The following SCUBE1 variants were observed in gnomAD, a reference collection of about 807,000 sequenced individuals.
The protein encoded by SCUBE1 is signal peptide, CUB domain and EGF like domain containing 1, also known as signal peptide, CUB and EGF-like domain-containing protein 1.
SCUBE1 carries 59 observed loss-of-function variants against 124.4 expected under a neutral mutation model. The ratio of observed to expected loss-of-function variants is 0.47; its 90% CI spans 0.38 to 0.59. The LOEUF (loss-of-function observed/expected upper bound fraction) is 0.59. Ranked by LOEUF, SCUBE1 falls within the 20% of genes least tolerant of loss-of-function variation. The probability of loss-of-function intolerance (pLI) is 0.00; values close to 1 mark genes in which losing one functional copy is unlikely to be tolerated. For synonymous variants in SCUBE1, 545 were observed against 550.9 expected (o/e 0.99, Z 0.15); for missense variants, 1,150 against 1,371.2 (o/e 0.84, Z 2.55).
chr22:43,227,589 CCTGACCCCACCGAG>C (rs1922376611), intron 9 of SCUBE1, 93 bp from the exon 10 acceptor site: 1 of 1,500,152 alleles, frequency 6.7e-7, no homozygotes, highest in Admixed American at 1.8e-5. Context: ...GCAAGAATCT[CCTGACCCCACCGAG>C]TCGGACAGCA....
chr22:43,311,480 G>A (rs190988413), intron 3 of SCUBE1, among the ~76,000 whole-genome samples: 16 of 150,876 alleles, frequency 1.1e-4, no homozygotes, highest in Non-Finnish European at 2.4e-4. Context: ...GAGTGCAGTG[G>A]TGTAATCTCG....
chr22:43,329,232 C>G (rs1044807018), intron 2 of SCUBE1, among the ~76,000 whole-genome samples: 1 of 152,244 alleles, frequency 6.6e-6, no homozygotes, highest in African/African-American at 2.4e-5. Flanking sequence ...TGCCTACAGA[C>G]TGGCCAGGAC....
At chr22:43,241,777 C>T (rs1463769484) in intron 6 of SCUBE1, among the ~76,000 whole-genome samples, 1 of 152,264 alleles carries the variant, frequency 6.6e-6, no homozygotes, top group Non-Finnish European at 1.5e-5. Flanking sequence ...GTCCCTCCTT[C>T]AGACCACTGT....
At chr22:43,236,932 G>C (rs10427744) in intron 7 of SCUBE1, among the ~76,000 whole-genome samples, 2 of 152,138 alleles carry the variant, frequency 1.3e-5, no homozygotes, top group Non-Finnish European at 2.9e-5. Flanking sequence ...TTCCGTGAGC[G>C]AGCGAGTGAG....
intron 2 of SCUBE1, among the ~76,000 whole-genome samples, chr22:43,320,575 G>C (rs1349936492): frequency 6.6e-6 from 1 of 152,180 alleles, no homozygotes; most frequent in African/African-American, 2.4e-5. Context: ...CCCATCAGGG[G>C]TCAAAGGGCT....
intron 1 of SCUBE1, 68 bp downstream of exon 1, chr22:43,343,106 T>G (rs909211804): frequency 1.3e-6 from 1 of 788,748 alleles, no homozygotes; most frequent in Non-Finnish European, 1.6e-6. Context: ...GAAGAAGCCC[T>G]CCGGGACCGC....
intron 4 of SCUBE1, among the ~76,000 whole-genome samples, chr22:43,285,036 T>G (rs1925081842): frequency 6.6e-6 from 1 of 152,112 alleles, no homozygotes; most frequent in Non-Finnish European, 1.5e-5. Flanking sequence ...TTGGGTAAAC[T>G]CATGCAGTCC....
At chr22:43,330,062 G>GA (rs142134054) in intron 2 of SCUBE1, among the ~76,000 whole-genome samples, 477 of 139,856 alleles carry the variant, frequency 3.4e-3, no homozygotes, top group African/African-American at 8.0e-3. Context: ...GGGAATTAGA[G>GA]AAAAAAAAAA....
chr22:43,308,850 C>T (rs1006680796), intron 3 of SCUBE1, among the ~76,000 whole-genome samples: 2 of 152,232 alleles, frequency 1.3e-5, no homozygotes, highest in Admixed American at 6.5e-5. Flanking sequence ...AGACAGGGAC[C>T]GACCCCATTT....
chr22:43,272,861 G>A (rs1350835039), intron 4 of SCUBE1, among the ~76,000 whole-genome samples: 1 of 152,240 alleles, frequency 6.6e-6, no homozygotes, highest in Admixed American at 6.5e-5. Flanking sequence ...TTTCCACTGA[G>A]GAGGCTGAAG....
intron 6 of SCUBE1, among the ~76,000 whole-genome samples, chr22:43,245,729 C>T (rs910308637): frequency 6.6e-6 from 1 of 152,182 alleles, no homozygotes; most frequent in Admixed American, 6.5e-5. Context: ...GACCTTAGCC[C>T]GGCCCTGCTG....
chr22:43,253,014 CCCTA>C (rs1422046075), intron 6 of SCUBE1, among the ~76,000 whole-genome samples: 3 of 151,334 alleles, frequency 2.0e-5, no homozygotes, highest in Non-Finnish European at 4.4e-5. Context: ...ACGGTCACCT[CCCTA>C]CCTAAGTCTG....
chr22:43,206,620 G>T (rs1921294756), intron 21 of SCUBE1, among the ~76,000 whole-genome samples: 1 of 148,642 alleles, frequency 6.7e-6, no homozygotes, highest in Non-Finnish European at 1.5e-5. Flanking sequence ...TCCCAGCTGA[G>T]GGCGGAAGGA....
intron 6 of SCUBE1, among the ~76,000 whole-genome samples, chr22:43,243,882 C>G (rs1923101482): frequency 6.6e-6 from 1 of 152,220 alleles, no homozygotes; most frequent in Admixed American, 6.5e-5. Context: ...TTCTTGGAAG[C>G]TCTGCCTATG....
intron 10 of SCUBE1, among the ~76,000 whole-genome samples, chr22:43,226,057 A>G (rs985329690): frequency 2.0e-5 from 3 of 152,186 alleles, no homozygotes; most frequent in Admixed American, 2.0e-4. Flanking sequence ...CAGATATTAA[A>G]TGATGGTTTG....
chr22:43,330,402 C>A (rs1292789997), intron 2 of SCUBE1, among the ~76,000 whole-genome samples: 1 of 152,196 alleles, frequency 6.6e-6, no homozygotes, highest in African/African-American at 2.4e-5. Flanking sequence ...AATTTCTTCC[C>A]CTCCTCAGGC....
intron 6 of SCUBE1, among the ~76,000 whole-genome samples, chr22:43,248,841 C>T (rs774949447): frequency 7.9e-5 from 12 of 152,284 alleles, no homozygotes; most frequent in Admixed American, 3.3e-4. Context: ...GAGCTGGATA[C>T]CTGCCTGCCT....
In SCUBE1 at chr22:43,223,194, G is replaced by A. The variant is rs6003114; in HGVS notation, c.1230C>T (p.Arg410=). The A allele has an allele frequency of 0.28, 437,249 of 1,569,770 alleles. 62,787 individuals carry two copies. The highest frequency in any genetic ancestry group is 0.35 in the South Asian group (29,170 of 83,540). The change falls in exon 11 of 22, where the codon CGC becomes CGT. Residue 410 remains arginine (R), a synonymous_variant. Transcript: ENST00000360835. Reference sequence around the variant, plus strand: ...GCTGGGCCCGGGGGGAGGTCTTGGCGCGAGAAAGACACTTGCCTGTCTCTA... The same window carrying A: ...GCTGGGCCCGGGGGGAGGTCTTGGCACGAGAAAGACACTTGCCTGTCTCTA... The part of the protein sequence containing the change: ...DCVETGKCLS[R]AKTSPRAQLS...
At chr22:43,263,541 G>T (rs1181620996) in intron 4 of SCUBE1, among the ~76,000 whole-genome samples, 1 of 152,160 alleles carries the variant, frequency 6.6e-6, no homozygotes, top group Non-Finnish European at 1.5e-5. Context: ...TGCAGACGGC[G>T]AACACGCACA....
Sources: gnomAD v4.1 joint callset for allele counts (sites outside exome capture counted in the v4.1 genomes callset) on GRCh38, gnomAD v4.1.1 for gene constraint, MANE v1.5 for transcripts, NCBI Gene and HGNC (gene_info 2026-07-23, HGNC 2026-07-21) for gene names.